Variants in SH3GL2 observed in about 807,000 individuals in gnomAD.
The protein encoded by SH3GL2 is SH3 domain containing GRB2 like 2, endophilin A1.
A neutral mutation model predicts 46.0 loss-of-function variants in SH3GL2; 24 were observed. The observed-to-expected ratio is 0.52, with a 90% CI of 0.38 to 0.73. The LOEUF is 0.73. Among genes scored for constraint, SH3GL2 ranks in the 30% least tolerant of loss-of-function variants. SH3GL2 has a pLI of 0.00. For synonymous variants in SH3GL2, 196 were observed against 147.1 expected (o/e 1.33, Z -2.40); for missense variants, 413 against 424.2 (o/e 0.97, Z 0.23).
intron 1 of SH3GL2, among the ~76,000 whole-genome samples, chr9:17,630,841 G>T (rs1018347049): frequency 3.3e-5 from 5 of 152,122 alleles, no homozygotes; most frequent in African/African-American, 1.2e-4. Flanking sequence ...TTAGTCTCTT[G>T]CCTGCTGTTT....
chr9:17,765,444 C>G (rs1823290058), intron 3 of SH3GL2, among the ~76,000 whole-genome samples: 1 of 152,200 alleles, frequency 6.6e-6, no homozygotes, highest in Admixed American at 6.5e-5. Flanking sequence ...TTTTGTTTAG[C>G]TTTTAAGAAT....
intron 1 of SH3GL2, among the ~76,000 whole-genome samples, chr9:17,585,882 G>A (rs577363808): frequency 6.6e-6 from 1 of 152,308 alleles, no homozygotes; most frequent in East Asian, 1.9e-4. Flanking sequence ...AACATGTGAA[G>A]TTTTGAAACT....
intron 1 of SH3GL2, among the ~76,000 whole-genome samples, chr9:17,638,295 C>G (rs1010323956): frequency 1.3e-5 from 2 of 152,164 alleles, no homozygotes; most frequent in African/African-American, 4.8e-5. Flanking sequence ...GTTAGACATT[C>G]ATTTATGTAT....
At chr9:17,676,123 C>G (rs954572695) in intron 1 of SH3GL2, among the ~76,000 whole-genome samples, 1 of 152,196 alleles carries the variant, frequency 6.6e-6, no homozygotes, top group South Asian at 2.1e-4. Context: ...GGTTTAGGGG[C>G]TATGGGTAGA....
At chr9:17,687,476 CAAT>C (rs1171896308) in intron 1 of SH3GL2, among the ~76,000 whole-genome samples, 3 of 151,718 alleles carry the variant, frequency 2.0e-5, no homozygotes, top group Admixed American at 2.0e-4. Flanking sequence ...TACATAGGTT[CAAT>C]ACAAACTTTT....
At chr9:17,606,105 G>GTTTT (rs1554628747) in intron 1 of SH3GL2, among the ~76,000 whole-genome samples, 4 of 151,938 alleles carry the variant, frequency 2.6e-5, no homozygotes, top group African/African-American at 9.7e-5. Context: ...TTGTTTGTTT[G>GTTTT]TTTTTGAGAT....
At chr9:17,678,379 T>C (rs935368337) in intron 1 of SH3GL2, among the ~76,000 whole-genome samples, 2 of 152,360 alleles carry the variant, frequency 1.3e-5, no homozygotes, top group African/African-American at 4.8e-5. Context: ...ATTTCTCTGA[T>C]GGTCAGTGAT....
chr9:17,693,141 A>C (rs1207632746), intron 1 of SH3GL2, among the ~76,000 whole-genome samples: 14 of 152,198 alleles, frequency 9.2e-5, no homozygotes, highest in Admixed American at 9.2e-4. Flanking sequence ...AACTTTTTTT[A>C]AGTATTGGAA....
chr9:17,759,046 G>A (rs1396788955), intron 2 of SH3GL2, among the ~76,000 whole-genome samples: 1 of 152,122 alleles, frequency 6.6e-6, no homozygotes, highest in Admixed American at 6.5e-5. Context: ...CACTACATGA[G>A]TGGTTGGGCT....
intron 1 of SH3GL2, among the ~76,000 whole-genome samples, chr9:17,746,185 C>G (rs748644572): frequency 6.6e-6 from 1 of 152,184 alleles, no homozygotes; most frequent in Non-Finnish European, 1.5e-5. Flanking sequence ...ACACCATTCT[C>G]CTGCCTCAGC....
chr9:17,706,095 G>A (rs1306107160), intron 1 of SH3GL2, among the ~76,000 whole-genome samples: 1 of 152,036 alleles, frequency 6.6e-6, no homozygotes, highest in African/African-American at 2.4e-5. Flanking sequence ...TATATCTAAT[G>A]TAAGAGATCA....
rs1229370787 is a variant in SH3GL2, at chr9:17,667,301, T to C, written c.46-79765T>C. Among the ~76,000 whole-genome samples, 188 of 152,244 alleles carry C rather than the reference T, an allele frequency of 1.2e-3. 1 individual carries two copies. Among genetic ancestry groups the C allele is most frequent in the Non-Finnish European group, 3.1e-4 (21 of 67,992 alleles). ...TCACAAGATTGTACAGCATCACCAC[T>C]AGAAAATGTTCTAATTCTAGAGCAT... is the stretch of plus-strand genomic sequence containing the variant. On this transcript the variant is annotated intron_variant, in intron 1 of 8. Transcript: ENST00000380607.
rs1054610209 is a variant in SH3GL2, at chr9:17,630,638, A to G, written c.45+51351A>G. ...TGTCTTTAAGACTTTTGTGATGGTT[A>G]CATAACACCAGTGGGACCAGAGACT... On this transcript the variant is annotated intron_variant, in intron 1 of 8. Coordinates refer to ENST00000380607, the MANE Select transcript of SH3GL2 (RefSeq NM_003026.5). Among the ~76,000 whole-genome samples, 14 of 152,336 alleles carry G rather than the reference A, an allele frequency of 9.2e-5. No homozygotes were observed. The South Asian group carries it at 2.3e-3, about 25-fold the overall frequency.
Position 17,738,641 on chromosome 9 carries a change from T to TATATAG in SH3GL2, c.46-8424_46-8423insTATAGA, listed in dbSNP as rs376280314. On this transcript the variant is annotated intron_variant, in intron 1 of 8. Transcript: ENST00000380607. ...TCATGTGATTTTATATATATATATATAGAGAGAGAGAGAGAGAGAGAGAGA... is the reference window on the plus strand; with the variant it reads ...TCATGTGATTTTATATATATATATATATATAGAGAGAGAGAGAGAGAGAGAGAGAGA... Among the ~76,000 whole-genome samples the TATATAG allele has an allele frequency of 3.3e-3, 291 of 88,872 alleles. 4 individuals carry two copies. The highest frequency in any genetic ancestry group is 0.015 in the Middle Eastern group (2 of 134). The allele number at this position is 88,872 out of a possible 152,430, so 58.3% of individuals were successfully genotyped here.
At chr9:17,745,760 T>A (rs992067098) in intron 1 of SH3GL2, among the ~76,000 whole-genome samples, 1 of 152,108 alleles carries the variant, frequency 6.6e-6, no homozygotes, top group African/African-American at 2.4e-5. Flanking sequence ...CCCTTTGGAA[T>A]GAGGTAAACC....
intron 1 of SH3GL2, among the ~76,000 whole-genome samples, chr9:17,585,931 T>A (rs1398878030): frequency 6.6e-6 from 1 of 152,176 alleles, no homozygotes. Context: ...GGTTTAGAAT[T>A]TATTGTTTCC....
At chr9:17,731,532 G>T (rs1269578106) in intron 1 of SH3GL2, among the ~76,000 whole-genome samples, 1 of 151,990 alleles carries the variant, frequency 6.6e-6, no homozygotes, top group Non-Finnish European at 1.5e-5. Flanking sequence ...CAGTGAGAAG[G>T]CAAAGGCAGC....
intron 1 of SH3GL2, among the ~76,000 whole-genome samples, chr9:17,743,601 C>A (rs1323735601): frequency 1.4e-5 from 2 of 145,738 alleles, no homozygotes. Context: ...CACACACACA[C>A]CCCAAATAGT....
chr9:17,621,774 G>A (rs1313172461), intron 1 of SH3GL2, among the ~76,000 whole-genome samples: 1 of 152,114 alleles, frequency 6.6e-6, no homozygotes, highest in Admixed American at 6.5e-5. Context: ...GCCATTACAT[G>A]GATCACTCAG....
Sources: allele counts gnomAD v4.1 joint callset (sites outside exome capture counted in the v4.1 genomes callset), GRCh38; gene constraint gnomAD v4.1.1; transcripts MANE v1.5; gene names NCBI Gene and HGNC (gene_info 2026-07-23, HGNC 2026-07-21).